TENM4: variants seen among roughly 807,000 people sequenced by gnomAD.
TENM4 encodes the protein teneurin transmembrane protein 4, also known as teneurin-4.
In TENM4, 82 loss-of-function variants were observed where a neutral mutation model predicts 243.3. That is an observed-to-expected ratio of 0.34 (90% CI 0.28 to 0.40). The LOEUF is 0.40. Ranked by LOEUF, TENM4 falls within the 10% of genes least tolerant of loss-of-function variation. The pLI, the probability that TENM4 is intolerant of heterozygous loss-of-function variation, is 1.00. For missense variants in TENM4, 3,138 were observed against 3,673.3 expected, an observed-to-expected ratio of 0.85 and a Z score of 3.77; for synonymous variants, 1,412 against 1,456.3, an observed-to-expected ratio of 0.97 and a Z score of 0.69.
rs1375485740 is a variant in TENM4 at position 79,069,786 on chromosome 11, G to A, written c.159C>T (p.Arg53=). ...CCTTGACGCGGCTGCCATAGGCTAG[G>A]CGGGCGTCCTGGTCGTAGGCCTTCA... ...ETLKAYDQDA[R]LAYGSRVKDI... Residue 53 remains arginine, a synonymous_variant, in exon 5 of 34, where the codon CGC becomes CGT. Transcript: ENST00000278550. The A allele has an allele frequency of 5.8e-6, 9 of 1,551,156 alleles. No homozygotes were observed. The highest frequency in any genetic ancestry group is 1.4e-5 in the African/African-American group (1 of 73,060).
intron 2 of TENM4, among the ~76,000 whole-genome samples, chr11:79,292,382 C>A (rs1348260138): frequency 1.3e-5 from 2 of 152,166 alleles, no homozygotes; most frequent in African/African-American, 4.8e-5. Context: ...AACGACTGTA[C>A]CTCTTGAGGC....
In TENM4 at chr11:78,961,356, G is replaced by T. The variant is rs182674623; in HGVS notation, c.494-57833C>A. 4.1e-3 allele frequency among the ~76,000 whole-genome samples: 620 copies of T among 152,256 alleles called. 6 individuals are homozygous for T. Among genetic ancestry groups the T allele is most frequent in the African/African-American group, 0.014 (601 of 41,542 alleles). On this transcript the variant is annotated intron_variant, in intron 6 of 33. Coordinates refer to ENST00000278550, the MANE Select transcript of TENM4 (RefSeq NM_001098816.3). ...CCTTCCTGGGTTTCCTTGCAAAGAA[G>T]CTGACTGGCCTCTGCTGGACAGAGA...
intron 2 of TENM4, among the ~76,000 whole-genome samples, chr11:79,297,073 G>A (rs911859782): frequency 6.6e-6 from 1 of 152,228 alleles, no homozygotes; most frequent in African/African-American, 2.4e-5. Context: ...TGCAGGACTT[G>A]AGCCCAGAAC....
intron 1 of TENM4, among the ~76,000 whole-genome samples, chr11:79,388,608 G>A (rs562635830): frequency 9.9e-4 from 151 of 152,256 alleles, no homozygotes; most frequent in Non-Finnish European, 6.2e-4. Context: ...TTCCTCCCAG[G>A]CTACTTAGTT....
At chr11:79,013,921 C>T (rs1220783118) in intron 6 of TENM4, among the ~76,000 whole-genome samples, 2 of 152,186 alleles carry the variant, frequency 1.3e-5, no homozygotes, top group South Asian at 2.1e-4. Flanking sequence ...ATTGCACCCT[C>T]CCTCCCTGCT....
At chr11:79,274,395 T>G (rs1437612808) in intron 2 of TENM4, among the ~76,000 whole-genome samples, 1 of 152,238 alleles carries the variant, frequency 6.6e-6, no homozygotes, top group Admixed American at 6.5e-5. Flanking sequence ...CAAAGTTCAG[T>G]GTCTTTCCAC....
At chr11:79,279,905 C>T (rs2135361803) in intron 2 of TENM4, among the ~76,000 whole-genome samples, 1 of 152,266 alleles carries the variant, frequency 6.6e-6, no homozygotes, top group Admixed American at 6.5e-5. Context: ...GTTATGAGAG[C>T]TCTACCCCTG....
chr11:78,801,407 A>T (rs755640678), intron 15 of TENM4, among the ~76,000 whole-genome samples: 1 of 152,218 alleles, frequency 6.6e-6, no homozygotes, highest in South Asian at 2.1e-4. Context: ...CGTGTGATTT[A>T]TCAGGAAGGA....
At chr11:79,178,639 G>A (rs1227126575) in intron 3 of TENM4, among the ~76,000 whole-genome samples, 1 of 152,196 alleles carries the variant, frequency 6.6e-6, no homozygotes, top group Non-Finnish European at 1.5e-5. Flanking sequence ...CAACATGCAG[G>A]TCCTGGGGCC....
chr11:79,204,110 G>A (rs566213479), intron 3 of TENM4, among the ~76,000 whole-genome samples: 63 of 152,304 alleles, frequency 4.1e-4, no homozygotes, highest in African/African-American at 1.3e-3. Flanking sequence ...GGGGGTGGAG[G>A]CATTAGGTTA....
At chr11:78,999,971 T>C (rs891001109) in intron 6 of TENM4, among the ~76,000 whole-genome samples, 1 of 152,296 alleles carries the variant, frequency 6.6e-6, no homozygotes, top group South Asian at 2.1e-4. Flanking sequence ...AGACACATCA[T>C]AAACTGTTGA....
At chr11:78,703,710 G>A (rs954610270) in intron 27 of TENM4, among the ~76,000 whole-genome samples, 3 of 152,068 alleles carry the variant, frequency 2.0e-5, no homozygotes, top group East Asian at 3.9e-4. Context: ...TGGAAGTGCC[G>A]ACAGGTGCAC....
chr11:79,011,011 G>C (rs1858627726), intron 6 of TENM4, among the ~76,000 whole-genome samples: 1 of 152,212 alleles, frequency 6.6e-6, no homozygotes. Context: ...GGTTATATGT[G>C]AGAAATAAAC....
chr11:79,014,818 CA>C (rs1429579134), intron 6 of TENM4: 3 of 152,188 alleles, frequency 2.0e-5, no homozygotes, highest in African/African-American at 7.2e-5. Flanking sequence ...TAGCCTTGGC[CA>C]GGGGCGGTGA....
chr11:79,271,922 C>G (rs1373590562), intron 2 of TENM4, among the ~76,000 whole-genome samples: 1 of 152,188 alleles, frequency 6.6e-6, no homozygotes, highest in Non-Finnish European at 1.5e-5. Context: ...GTACCAGAGA[C>G]TATGTCAGCC....
In TENM4 at chr11:78,738,489, G is replaced by T; in HGVS notation, c.2838C>A (p.Asn946Lys). 1 of 1,613,908 alleles carries T rather than the reference G, an allele frequency of 6.2e-7. No individual in the cohort carries two copies. Among genetic ancestry groups the T allele is most frequent in the Non-Finnish European group, 8.5e-7 (1 of 1,179,846 alleles). Residue 946 changes from asparagine to lysine, a missense_variant, in exon 20 of 34, where the codon AAC becomes AAA. Physicochemically the swap from Asn to Lys is moderately conservative, Grantham distance 94 (BLOSUM62 0). Transcript: ENST00000278550. ...LVGVNISFVN[N>K]PLFGYTISRQ... ...TGCTGATTGTATATCCAAAGAGAGG[G>T]TTATTGACAAAACTGATGTTCACAC...
chr11:79,141,417 C>A (rs1862283083), intron 4 of TENM4, among the ~76,000 whole-genome samples: 1 of 152,002 alleles, frequency 6.6e-6, no homozygotes, highest in Non-Finnish European at 1.5e-5. Context: ...CCTAGACATA[C>A]ACATCCTACA....
At chr11:78,848,241 A>T (rs1428004459) in intron 12 of TENM4, among the ~76,000 whole-genome samples, 1 of 151,462 alleles carries the variant, frequency 6.6e-6, no homozygotes, top group African/African-American at 2.4e-5. Flanking sequence ...TCCGGGTCTC[A>T]TCAGATAGAC....
At chr11:79,184,830 G>C (rs1401777192) in intron 3 of TENM4, among the ~76,000 whole-genome samples, 1 of 152,070 alleles carries the variant, frequency 6.6e-6, no homozygotes, top group Non-Finnish European at 1.5e-5. Context: ...TAACGCCCCT[G>C]AACTGTACAC....
Sources: allele counts gnomAD v4.1 joint callset (sites outside exome capture counted in the v4.1 genomes callset), GRCh38; gene constraint gnomAD v4.1.1; transcripts MANE v1.5; gene names NCBI Gene and HGNC (gene_info 2026-07-23, HGNC 2026-07-21).